Variants in EIPR1 observed in about 807,000 individuals in gnomAD.
EIPR1 encodes EARP complex and GARP complex interacting protein 1, also known as EARP and GARP complex-interacting protein 1.
EIPR1 carries 25 observed loss-of-function variants against 48.1 expected under a neutral mutation model. The ratio of observed to expected loss-of-function variants is 0.52; its 90% CI spans 0.38 to 0.73. The LOEUF is 0.73. EIPR1 is among the 30% of genes least tolerant of loss of function. The pLI, the probability that EIPR1 is intolerant of heterozygous loss-of-function variation, is 0.00. For synonymous variants in EIPR1, 204 were observed against 201.9 expected, an observed-to-expected ratio of 1.01 and a Z score of -0.09; for missense variants, 415 against 506.2, an observed-to-expected ratio of 0.82 and a Z score of 1.73.
chr2:3,267,849 C>G (rs1667538948), intron 3 of EIPR1, among the ~76,000 whole-genome samples: 1 of 152,236 alleles, frequency 6.6e-6, no homozygotes, highest in Non-Finnish European at 1.5e-5. Context: ...AATATTTACT[C>G]TCTGGCCCTT....
chr2:3,224,459 C>T (rs555785549), intron 4 of EIPR1, among the ~76,000 whole-genome samples: 3 of 152,322 alleles, frequency 2.0e-5, no homozygotes, highest in Admixed American at 1.3e-4. Flanking sequence ...TCCAACCAGC[C>T]CTGATTGCCA....
intron 4 of EIPR1, among the ~76,000 whole-genome samples, chr2:3,219,714 G>A (rs183303838): frequency 1.9e-3 from 287 of 151,422 alleles, no homozygotes; most frequent in Middle Eastern, 0.018. Context: ...ATACTCTAGA[G>A]CATTCACAGT....
At chr2:3,337,820 G>A (rs2103351440) in intron 3 of EIPR1, among the ~76,000 whole-genome samples, 197 bp downstream of exon 3, 1 of 152,310 alleles carries the variant, frequency 6.6e-6, no homozygotes, top group Middle Eastern at 3.4e-3. Context: ...TCCAGCTTCA[G>A]TTCTTAGAAT....
intron 5 of EIPR1, among the ~76,000 whole-genome samples, chr2:3,211,309 T>C (rs1665447679): frequency 6.6e-6 from 1 of 151,790 alleles, no homozygotes; most frequent in Non-Finnish European, 1.5e-5. Flanking sequence ...CCACGTCTCT[T>C]CCAGTTTGGA....
intron 4 of EIPR1, among the ~76,000 whole-genome samples, chr2:3,241,012 C>CTCCTAAAGCAAAGCCAGCAGATCCT (rs1572343969): frequency 5.2e-5 from 5 of 96,232 alleles, no homozygotes; most frequent in African/African-American, 7.3e-5. Context: ...CAGCAGATCC[C>CTCCTAAAGCAAAGCCAGCAGATCCT]TCCTAAAGCA....
intron 3 of EIPR1, among the ~76,000 whole-genome samples, chr2:3,318,538 G>C (rs1045470006): frequency 6.6e-6 from 1 of 152,188 alleles, no homozygotes; most frequent in Non-Finnish European, 1.5e-5. Flanking sequence ...AGTGAGGAAC[G>C]CAAGAAACAA....
chr2:3,289,186 G>A (rs749097066), intron 3 of EIPR1, among the ~76,000 whole-genome samples: 7 of 152,096 alleles, frequency 4.6e-5, no homozygotes, highest in Non-Finnish European at 7.4e-5. Context: ...CCTCTTTGCC[G>A]CCTGCTTCCT....
chr2:3,289,731 G>A (rs543914335), intron 3 of EIPR1, among the ~76,000 whole-genome samples: 4 of 152,314 alleles, frequency 2.6e-5, no homozygotes, highest in Admixed American at 1.3e-4. Context: ...TTCAGCAGAC[G>A]AGTAGACACA....
chr2:3,233,252 T>A (rs1483281416), intron 4 of EIPR1, among the ~76,000 whole-genome samples: 1 of 152,204 alleles, frequency 6.6e-6, no homozygotes, highest in Admixed American at 6.5e-5. Context: ...ACTTTCCATA[T>A]CAAATAGATA....
In EIPR1 at chr2:3,264,130, C is replaced by G. The variant is rs1017805588; in HGVS notation, c.260-6675G>C. ...TAACTGAAACTTTGTATCCTTTCAC[C>G]AACATCTCCCTTTTCCCCATCCGCC... On this transcript the variant is annotated intron_variant, in intron 3 of 8. Coordinates refer to ENST00000382125, the MANE Select transcript of EIPR1 (RefSeq NM_003310.5). Among the ~76,000 whole-genome samples the G allele has an allele frequency of 2.6e-5, 4 of 152,284 alleles. No individual in the cohort carries two copies. The South Asian group carries it at 8.3e-4, about 32-fold the overall frequency.
intron 8 of EIPR1, 125 bp downstream of exon 8, chr2:3,192,289 G>C: frequency 8.4e-7 from 1 of 1,187,306 alleles, no homozygotes; most frequent in Non-Finnish European, 1.1e-6. Context: ...GCTGCAGTGG[G>C]TAAGGAGAGT....
intron 3 of EIPR1, among the ~76,000 whole-genome samples, chr2:3,307,095 T>C (rs1668969402): frequency 6.6e-6 from 1 of 152,046 alleles, no homozygotes; most frequent in Non-Finnish European, 1.5e-5. Context: ...CCTGAGTAGA[T>C]GGGATTACAG....
intron 4 of EIPR1, among the ~76,000 whole-genome samples, chr2:3,228,396 C>T (rs1248323178): frequency 6.6e-6 from 1 of 152,258 alleles, no homozygotes; most frequent in Non-Finnish European, 1.5e-5. Flanking sequence ...TGTATTTGCT[C>T]AATGCCTGTA....
chr2:3,216,183 T>C (rs1665630254), intron 4 of EIPR1, among the ~76,000 whole-genome samples: 1 of 152,178 alleles, frequency 6.6e-6, no homozygotes, highest in Admixed American at 6.5e-5. Flanking sequence ...GAGAGAAGGA[T>C]GCAACGGGCA....
chr2:3,210,025 G>T (rs1019728848), intron 5 of EIPR1, among the ~76,000 whole-genome samples: 1 of 152,166 alleles, frequency 6.6e-6, no homozygotes, highest in Admixed American at 6.5e-5. Flanking sequence ...TCAACGAGGG[G>T]CTCTGGGTGA....
chr2:3,361,427 T>C (rs914051061), intron 1 of EIPR1, among the ~76,000 whole-genome samples: 3 of 151,824 alleles, frequency 2.0e-5, no homozygotes, highest in African/African-American at 7.3e-5. Flanking sequence ...CACCTCTCTC[T>C]CTTCTCTGGC....
At chr2:3,367,236 G>A (rs1670997756) in intron 1 of EIPR1, among the ~76,000 whole-genome samples, 1 of 152,100 alleles carries the variant, frequency 6.6e-6, no homozygotes, top group Non-Finnish European at 1.5e-5. Context: ...GATTTTGTCT[G>A]TTTCCTCCTA....
chr2:3,217,859 A>G (rs960555657), intron 4 of EIPR1, among the ~76,000 whole-genome samples: 2 of 152,142 alleles, frequency 1.3e-5, no homozygotes, highest in Non-Finnish European at 1.5e-5. Context: ...ACAGAGTGTG[A>G]GTGTCACCTT....
At chr2:3,297,047 G>C (rs553478015) in intron 3 of EIPR1, among the ~76,000 whole-genome samples, 6 of 136,578 alleles carry the variant, frequency 4.4e-5, no homozygotes, top group African/African-American at 1.6e-4. Flanking sequence ...GTTTCTCTCT[G>C]TACCAGAATC....
Sources: allele counts gnomAD v4.1 joint callset (sites outside exome capture counted in the v4.1 genomes callset), GRCh38; gene constraint gnomAD v4.1.1; transcripts MANE v1.5; gene names NCBI Gene and HGNC (gene_info 2026-07-23, HGNC 2026-07-21).